The following NUDT3 variants were observed in gnomAD, a reference collection of about 807,000 sequenced individuals.
The protein encoded by NUDT3 is nudix hydrolase 3.
A neutral mutation model predicts 23.6 loss-of-function variants in NUDT3; 9 were observed. The ratio of observed to expected loss-of-function variants is 0.38; its 90% CI spans 0.23 to 0.66. The LOEUF is 0.66. Among genes scored for constraint, NUDT3 ranks in the 30% least tolerant of loss-of-function variants. The probability of loss-of-function intolerance (pLI) is 0.52; values close to 1 mark genes in which losing one functional copy is unlikely to be tolerated. For synonymous variants in NUDT3, 86 were observed against 82.6 expected (o/e 1.04, Z -0.22); for missense variants, 172 against 218.5 (o/e 0.79, Z 1.34).
intron 4 of NUDT3, among the ~76,000 whole-genome samples, chr6:34,289,383 A>G (rs1763383554): frequency 6.6e-6 from 1 of 151,840 alleles, no homozygotes; most frequent in Admixed American, 6.6e-5. Flanking sequence ...CCTGAGCAAC[A>G]TGGCAAAACT....
chr6:34,346,175 A>G (rs886140891), intron 1 of NUDT3, among the ~76,000 whole-genome samples: 2 of 152,208 alleles, frequency 1.3e-5, no homozygotes, highest in East Asian at 3.8e-4. Context: ...AAATAAACCC[A>G]AATATAAGCA....
At chr6:34,319,457 G>A (rs767098413) in intron 2 of NUDT3, among the ~76,000 whole-genome samples, 1 of 152,182 alleles carries the variant, frequency 6.6e-6, no homozygotes, top group African/African-American at 2.4e-5. Context: ...ATGAATATAA[G>A]CCATACAGAT....
At chr6:34,334,492 A>G (rs1764175954) in intron 2 of NUDT3, among the ~76,000 whole-genome samples, 1 of 151,980 alleles carries the variant, frequency 6.6e-6, no homozygotes, top group Non-Finnish European at 1.5e-5. Flanking sequence ...ATACGAAACT[A>G]GCCGGGCATG....
At chr6:34,368,103 A>G (rs1384220015) in intron 1 of NUDT3, among the ~76,000 whole-genome samples, 1 of 152,222 alleles carries the variant, frequency 6.6e-6, no homozygotes, top group Non-Finnish European at 1.5e-5. Flanking sequence ...CGGGAGGCTG[A>G]GGCAGAAGAA....
At chr6:34,313,387 T>C (rs1244134910) in intron 2 of NUDT3, among the ~76,000 whole-genome samples, 2 of 152,106 alleles carry the variant, frequency 1.3e-5, no homozygotes, top group Admixed American at 6.6e-5. Flanking sequence ...AGGATTTTTA[T>C]AGGGCAGTGA....
chr6:34,345,851 C>T (rs925139300), intron 1 of NUDT3, among the ~76,000 whole-genome samples: 5 of 151,982 alleles, frequency 3.3e-5, no homozygotes, highest in African/African-American at 4.8e-5. Flanking sequence ...TCACCGCAAC[C>T]GCTGCCTCCC....
At position 34,382,139 on chromosome 6, in the gene NUDT3, G is replaced by A. The variant is rs180947081; in HGVS notation, c.99+10125C>T. ...AGGCCAGATGTGGTGGCTCGTGCAC[G>A]TAATCCCAACACTTCGGGAGGGCAA... On this transcript the variant is annotated intron_variant, in intron 1 of 4. Coordinates refer to ENST00000607016, the MANE Select transcript of NUDT3 (RefSeq NM_006703.4). Among the ~76,000 whole-genome samples, 131 of 149,882 alleles carry A rather than the reference G, an allele frequency of 8.7e-4. No homozygotes were observed. The East Asian group carries it at 0.011, about 12-fold the overall frequency.
At chr6:34,335,402 T>G (rs949923876) in intron 2 of NUDT3, among the ~76,000 whole-genome samples, 1 of 152,100 alleles carries the variant, frequency 6.6e-6, no homozygotes, top group Non-Finnish European at 1.5e-5. Context: ...ATAAAAATGT[T>G]TAAGGGAATC....
In NUDT3 at chr6:34,302,661, G is replaced by A. The variant is rs143264265; in HGVS notation, c.211-6976C>T. ...GCAGGAGAATTGCTTGAACCTGGGA[G>A]GCGGAGATTGCAGTGAGCCAAGATT... is the stretch of plus-strand genomic sequence containing the variant. On this transcript the variant is annotated intron_variant, in intron 2 of 4. Coordinates refer to ENST00000607016, the MANE Select transcript of NUDT3 (RefSeq NM_006703.4). Among the ~76,000 whole-genome samples, 202 of 152,026 alleles carry A rather than the reference G, an allele frequency of 1.3e-3. 1 individual carries two copies. Among genetic ancestry groups the A allele is most frequent in the Middle Eastern group, 3.4e-3 (1 of 294 alleles).
chr6:34,289,234 T>G (rs1224782180), intron 4 of NUDT3, among the ~76,000 whole-genome samples: 1 of 152,114 alleles, frequency 6.6e-6, no homozygotes, highest in Admixed American at 6.5e-5. Flanking sequence ...TGCACATACA[T>G]AGGGATCAAA....
At chr6:34,332,471 G>C (rs541503859) in intron 2 of NUDT3, among the ~76,000 whole-genome samples, 1 of 152,220 alleles carries the variant, frequency 6.6e-6, no homozygotes, top group East Asian at 1.9e-4. Flanking sequence ...GGAGGTAAAA[G>C]AGGAAGCAGG....
Position 34,284,557 on chromosome 6 carries a change from T to C in NUDT3, c.*4196A>G, listed in dbSNP as rs1489478127. ...GTTTTTTTTTTTTTTTTTTTAAAGATGAGGATGCGGACTCCAACAAAGGCA... is the reference window on the plus strand; with the variant it reads ...GTTTTTTTTTTTTTTTTTTTAAAGACGAGGATGCGGACTCCAACAAAGGCA... On this transcript the variant is annotated 3_prime_UTR_variant, in exon 5 of 5. Coordinates refer to ENST00000607016, the MANE Select transcript of NUDT3 (RefSeq NM_006703.4). 1 of 144,216 alleles carries C rather than the reference T, an allele frequency of 6.9e-6. No homozygotes were observed. Among genetic ancestry groups the C allele is most frequent in the Admixed American group, 7.1e-5 (1 of 14,166 alleles). The allele number at this position is 144,216 out of a possible 1,614,324, so 8.9% of individuals were successfully genotyped here.
intron 2 of NUDT3, among the ~76,000 whole-genome samples, chr6:34,331,030 CT>C: frequency 6.6e-6 from 1 of 152,064 alleles, no homozygotes; most frequent in East Asian, 1.9e-4. Flanking sequence ...AATTTTTGTA[CT>C]TTTAGTAGAG....
chr6:34,354,257 C>G (rs1480677857), intron 1 of NUDT3, among the ~76,000 whole-genome samples: 1 of 151,964 alleles, frequency 6.6e-6, no homozygotes, highest in Non-Finnish European at 1.5e-5. Flanking sequence ...GGGATCCACC[C>G]ACCTTAACCT....
chr6:34,344,763 T>A (rs1005306223), intron 1 of NUDT3, among the ~76,000 whole-genome samples: 1 of 151,894 alleles, frequency 6.6e-6, no homozygotes, highest in African/African-American at 2.4e-5. Flanking sequence ...GCCATTCTCC[T>A]GCCTCAGCCT....
intron 4 of NUDT3, 76 bp from the exon 5 acceptor site, chr6:34,289,007 G>A: frequency 6.9e-7 from 1 of 1,454,614 alleles, no homozygotes; most frequent in Non-Finnish European, 9.1e-7. Context: ...AGAAAATATA[G>A]AAAACATTAA....
In NUDT3 at chr6:34,281,389, C is replaced by G. The variant is rs1561893826; in HGVS notation, c.*7364G>C. ...CTGATACACCTAAGAAGGTGAGAGA[C>G]ACTAGCTTCAATTCCATTTTACAAC... is the stretch of plus-strand genomic sequence containing the variant. On this transcript the variant is annotated 3_prime_UTR_variant, in exon 5 of 5. Transcript: ENST00000607016. 6.6e-6 allele frequency: 1 copy of G among 152,220 alleles called. No homozygotes were observed. Among genetic ancestry groups the G allele is most frequent in the Non-Finnish European group, 1.5e-5 (1 of 68,042 alleles). The allele number at this position is 152,220 out of a possible 1,614,324, so 9.4% of individuals were successfully genotyped here.
At chr6:34,355,847 A>G (rs1764553113) in intron 1 of NUDT3, among the ~76,000 whole-genome samples, 1 of 152,184 alleles carries the variant, frequency 6.6e-6, no homozygotes, top group Non-Finnish European at 1.5e-5. Context: ...ACTTCCAGAT[A>G]GCTGAACATG....
At chr6:34,302,215 A>G in intron 2 of NUDT3, among the ~76,000 whole-genome samples, 1 of 149,624 alleles carries the variant, frequency 6.7e-6, no homozygotes, top group African/African-American at 2.5e-5. Context: ...TTTTTGGTAG[A>G]GATGAGGTTT....
Sources: gnomAD v4.1 joint callset for allele counts (sites outside exome capture counted in the v4.1 genomes callset) on GRCh38, gnomAD v4.1.1 for gene constraint, MANE v1.5 for transcripts, NCBI Gene and HGNC (gene_info 2026-07-23, HGNC 2026-07-21) for gene names.